The following KCNQ1 variants were observed in gnomAD, a reference collection of about 807,000 sequenced individuals.
KCNQ1 encodes potassium voltage-gated channel subfamily Q member 1.
In KCNQ1, 49 loss-of-function variants were observed where a neutral mutation model predicts 72.4. The ratio of observed to expected loss-of-function variants is 0.68; its 90% CI spans 0.54 to 0.86. KCNQ1 has a LOEUF of 0.86. Among genes scored for constraint, KCNQ1 ranks in the 40% least tolerant of loss-of-function variants. The pLI is 0.00. For synonymous variants in KCNQ1, 450 were observed against 412.6 expected, an observed-to-expected ratio of 1.09 and a Z score of -1.10; for missense variants, 790 against 945.1, an observed-to-expected ratio of 0.84 and a Z score of 2.15.
At chr11:2,632,695 C>A in intron 10 of KCNQ1, 1 of 398,202 alleles carries the variant, frequency 2.5e-6, no homozygotes, top group Non-Finnish European at 4.4e-6. Flanking sequence ...TCTTTCTGTG[C>A]CTAATTTCAT....
chr11:2,626,297 C>T lies in KCNQ1; in HGVS notation c.1394-35664C>T, dbSNP rs886885189. 8 of 398,290 alleles carry T rather than the reference C, an allele frequency of 2.0e-5. No individual in the cohort carries two copies. The highest frequency in any genetic ancestry group is 3.5e-5 in the Non-Finnish European group (8 of 226,042). The allele number at this position is 398,290 out of a possible 1,614,324, so 24.7% of individuals were successfully genotyped here. A position where few individuals can be genotyped will look rare whatever the true frequency, so the allele number is the denominator to read the frequency against. ...TAGGTAAGGATCTCAACTTCATTCT[C>T]TTGAGTTAATTTTTGTGTATGGTAT... On this transcript the variant is annotated intron_variant, in intron 10 of 15. Coordinates refer to ENST00000155840, the MANE Select transcript of KCNQ1 (RefSeq NM_000218.3). The surrounding 1 kb of genome is among the most constrained non-coding windows in gnomAD (Gnocchi z 4.0).
chr11:2,695,685 C>G lies in KCNQ1; in HGVS notation c.1514+33604C>G, dbSNP rs1004704573. On this transcript the variant is annotated intron_variant, in intron 11 of 15. Coordinates refer to ENST00000155840, the MANE Select transcript of KCNQ1 (RefSeq NM_000218.3). This position sits in a 1 kb window ranked among gnomAD's most constrained non-coding sequence, Gnocchi z 5.2. The stretch of plus-strand genomic sequence containing the variant: ...TTTGAGGAAGAAGTGTTGGCCAGCT[C>G]TTCAGAACGTCTGTGCCTGTCTCCG... 2.5e-6 allele frequency: 1 copy of G among 398,544 alleles called. No homozygotes were observed. Among genetic ancestry groups the G allele is most frequent in the African/African-American group, 2.1e-5 (1 of 48,630 alleles). The allele number at this position is 398,544 out of a possible 1,614,324, so 24.7% of individuals were successfully genotyped here. A position where few individuals can be genotyped will look rare whatever the true frequency, so the allele number is the denominator to read the frequency against.
rs1358216590 is a variant in KCNQ1, at chr11:2,613,951, C to A, written c.1393+25097C>A. 6 of 398,474 alleles carry A rather than the reference C, an allele frequency of 1.5e-5. No individual in the cohort carries two copies. The highest frequency in any genetic ancestry group is 2.7e-5 in the Non-Finnish European group (6 of 226,054). 24.7% of individuals were successfully genotyped at this position (398,474 alleles called of 1,614,324 possible). ...TTTGAACTTTGCTTTTCTCACCTAA[C>A]AACATCTCCTAGAAATCACTCAACA... On this transcript the variant is annotated intron_variant, in intron 10 of 15. Coordinates refer to ENST00000155840, the MANE Select transcript of KCNQ1 (RefSeq NM_000218.3). This position sits in a 1 kb window ranked among gnomAD's most constrained non-coding sequence, Gnocchi z 4.8.
At chr11:2,648,648 T>C (rs1849704447) in intron 10 of KCNQ1, 2 of 398,434 alleles carry the variant, frequency 5.0e-6, no homozygotes, top group Admixed American at 8.8e-5. Context: ...CTTGATAAGA[T>C]TTTGACTTTT....
rs1846318270 is a variant in KCNQ1 at position 2,464,151 on chromosome 11, C to T, written c.386+18667C>T. 6.6e-6 allele frequency among the ~76,000 whole-genome samples: 1 copy of T among 152,128 alleles called. No individual in the cohort carries two copies. The highest frequency in any genetic ancestry group is 2.1e-4 in the South Asian group (1 of 4,832). On this transcript the variant is annotated intron_variant, in intron 1 of 15. Transcript: ENST00000155840. The surrounding 1 kb of genome is among the most constrained non-coding windows in gnomAD (Gnocchi z 5.0). ...GGATGTGGACTACGGTGCTTGCCAT[C>T]AGCAGATACAAGCTGTACGCAGTGG...
chr11:2,737,779 G>C (rs933175397), intron 11 of KCNQ1, among the ~76,000 whole-genome samples: 1 of 152,194 alleles, frequency 6.6e-6, no homozygotes, highest in African/African-American at 2.4e-5. Flanking sequence ...GGAGAGTGGG[G>C]CTGCAGCAGG....
chr11:2,583,154 A>G (rs1848529115), intron 6 of KCNQ1, among the ~76,000 whole-genome samples: 1 of 152,066 alleles, frequency 6.6e-6, no homozygotes, highest in African/African-American at 2.4e-5. Flanking sequence ...GCGAGCTCCC[A>G]GGCCCACGTT....
intron 6 of KCNQ1, among the ~76,000 whole-genome samples, chr11:2,577,679 T>C (rs531513832): frequency 6.6e-6 from 1 of 152,338 alleles, no homozygotes; most frequent in South Asian, 2.1e-4. Flanking sequence ...TTTGCCAGCC[T>C]GCTGGCTTGT....
chr11:2,500,147 C>T (rs182114725), intron 1 of KCNQ1, among the ~76,000 whole-genome samples: 12 of 152,220 alleles, frequency 7.9e-5, no homozygotes, highest in Non-Finnish European at 1.5e-4. Flanking sequence ...CACAACTTAC[C>T]AAAACCTGTG....
At chr11:2,797,920 C>G (rs924386894) in intron 15 of KCNQ1, among the ~76,000 whole-genome samples, 1 of 152,188 alleles carries the variant, frequency 6.6e-6, no homozygotes, top group Admixed American at 6.5e-5. Flanking sequence ...CAGGTTGGCC[C>G]AGGCAGCCCA....
In KCNQ1 at chr11:2,725,316, A is replaced by T. The variant is rs1845740226; in HGVS notation, c.1515-43528A>T. Reference sequence around the variant, plus strand: ...CAGCCACGGGACCAGCGCTTGCCAGAAATGTTCCCAGCTTTTTTGAGTTCG... The same window carrying T: ...CAGCCACGGGACCAGCGCTTGCCAGTAATGTTCCCAGCTTTTTTGAGTTCG... On this transcript the variant is annotated intron_variant, in intron 11 of 15. Coordinates refer to ENST00000155840, the MANE Select transcript of KCNQ1 (RefSeq NM_000218.3). The surrounding 1 kb of genome is among the most constrained non-coding windows in gnomAD (Gnocchi z 7.2). Among the ~76,000 whole-genome samples, 1 of 152,214 alleles carries T rather than the reference A, an allele frequency of 6.6e-6. No individual in the cohort carries two copies. Among genetic ancestry groups the T allele is most frequent in the South Asian group, 2.1e-4 (1 of 4,832 alleles).
At chr11:2,632,200 A>G (rs975554051) in intron 10 of KCNQ1, 20 of 397,834 alleles carry the variant, frequency 5.0e-5, no homozygotes, top group South Asian at 2.6e-4. Flanking sequence ...AAAAAAAAAA[A>G]AAAGAAATGC....
At chr11:2,506,925 T>A (rs1027374678) in intron 1 of KCNQ1, among the ~76,000 whole-genome samples, 1 of 152,258 alleles carries the variant, frequency 6.6e-6, no homozygotes, top group African/African-American at 2.4e-5. Flanking sequence ...TTTTGGTTCT[T>A]GGTCTCTCAA....
chr11:2,741,316 G>A (rs886770317), intron 11 of KCNQ1, among the ~76,000 whole-genome samples: 1 of 152,232 alleles, frequency 6.6e-6, no homozygotes, highest in Non-Finnish European at 1.5e-5. Context: ...ACCCCAGAGA[G>A]GTCTGACTGG....
At chr11:2,520,617 C>T (rs961478215) in intron 1 of KCNQ1, among the ~76,000 whole-genome samples, 2 of 152,080 alleles carry the variant, frequency 1.3e-5, no homozygotes, top group South Asian at 2.1e-4. Flanking sequence ...TGCCCCTGGG[C>T]GTCCACATCC....
chr11:2,445,377 C>T lies in KCNQ1; in HGVS notation c.279C>T (p.Ile93=). 2 of 1,597,804 alleles carry T rather than the reference C, an allele frequency of 1.3e-6. No individual in the cohort carries two copies. The highest frequency in any genetic ancestry group is 2.2e-5 in the South Asian group (2 of 90,996). Residue 93 remains isoleucine (I), a synonymous_variant, in exon 1 of 16, where the codon ATC becomes ATT. Transcript: ENST00000155840. The stretch of plus-strand genomic sequence containing the variant: ...TGAGCCTAGACCCGCGCGTCTCCAT[C>T]TACAGCACGCGCCGCCCGGTGTTGG... ...PPVSLDPRVS[I]YSTRRPVLAR...
intron 15 of KCNQ1, among the ~76,000 whole-genome samples, chr11:2,834,945 T>C (rs533727088): frequency 6.6e-6 from 1 of 152,296 alleles, no homozygotes; most frequent in South Asian, 2.1e-4. Flanking sequence ...GCCCAGCCCC[T>C]ATCTGGGACC....
intron 1 of KCNQ1, among the ~76,000 whole-genome samples, chr11:2,467,113 G>C (rs1157722799): frequency 6.6e-6 from 1 of 152,162 alleles, no homozygotes; most frequent in Admixed American, 6.5e-5. Context: ...GCTGTGGCTG[G>C]AGAGCCGGGC....
chr11:2,733,934 T>C (rs921716593), intron 11 of KCNQ1, among the ~76,000 whole-genome samples: 7 of 145,910 alleles, frequency 4.8e-5, no homozygotes, highest in African/African-American at 1.8e-4. Context: ...ATGCACACGC[T>C]CTCCTCTTCC....
Sources: allele counts gnomAD v4.1 joint callset (sites outside exome capture counted in the v4.1 genomes callset), GRCh38; gene constraint gnomAD v4.1.1; non-coding constraint Gnocchi (gnomAD v3.1); transcripts MANE v1.5; gene names NCBI Gene and HGNC (gene_info 2026-07-23, HGNC 2026-07-21).